Variants in NT5DC4 observed in about 807,000 individuals in gnomAD.
The protein encoded by NT5DC4 is 5'-nucleotidase domain-containing protein 4.
A neutral mutation model predicts 26.6 loss-of-function variants in NT5DC4; 44 were observed. The ratio of observed to expected loss-of-function variants is 1.65; its 90% CI spans 1.30 to 2.13. The LOEUF is 2.13. Among genes scored for constraint, NT5DC4 ranks in the 30% most tolerant of loss-of-function variants. The pLI, the probability that NT5DC4 is intolerant of heterozygous loss-of-function variation, is 0.00. For synonymous variants in NT5DC4, 157 were observed against 86.7 expected (o/e 1.81, Z -4.51); for missense variants, 399 against 228.1 (o/e 1.75, Z -4.83).
At chr2:112,736,177 G>A (rs535927224) in intron 16 of NT5DC4, among the ~76,000 whole-genome samples, 52 of 152,228 alleles carry the variant, frequency 3.4e-4, no homozygotes, top group Admixed American at 5.2e-4. Context: ...TTAGGACAGT[G>A]TCTGAGGTTC....
At chr2:112,723,890 G>A (rs1017285028) in intron 9 of NT5DC4, 88 bp downstream of exon 9, 10 of 700,310 alleles carry the variant, frequency 1.4e-5, no homozygotes, top group African/African-American at 8.8e-5. Context: ...GGAGGGGTGG[G>A]GCGGGGAGCC....
chr2:112,722,855 G>C, intron 6 of NT5DC4, 84 bp downstream of exon 6: 1 of 450,220 alleles, frequency 2.2e-6, no homozygotes, highest in Non-Finnish European at 4.4e-6. Context: ...CCCCCCAAGG[G>C]CTCCCCAAGA....
upstream of NT5DC4, among the ~76,000 whole-genome samples, chr2:112,719,902 C>T (rs192167065): frequency 0.34 from 29,109 of 85,680 alleles, 6,376 homozygotes; most frequent in East Asian, 0.67. Context: ...TTCTTTCTTT[C>T]TTTTTCTTTC....
intron 16 of NT5DC4, among the ~76,000 whole-genome samples, chr2:112,730,027 T>C (rs2104774777): frequency 6.6e-6 from 1 of 152,114 alleles, no homozygotes; most frequent in Non-Finnish European, 1.5e-5. Context: ...AAATGGGATA[T>C]TGGAGCCAGG....
At chr2:112,731,795 C>T (rs188863035) in intron 16 of NT5DC4, 1 of 152,154 alleles carries the variant, frequency 6.6e-6, no homozygotes, top group Admixed American at 6.5e-5. Flanking sequence ...ACAAAGTAAA[C>T]CCTTGAAGGA....
upstream of NT5DC4, among the ~76,000 whole-genome samples, chr2:112,720,131 C>T (rs939220658): frequency 7.3e-5 from 11 of 150,810 alleles, no homozygotes; most frequent in African/African-American, 2.7e-4. Flanking sequence ...ACCTCCAACC[C>T]CTGGGTTCAA....
At chr2:112,723,248 CA>C (rs1454263305) in intron 7 of NT5DC4, 74 bp downstream of exon 7, 2 of 716,046 alleles carry the variant, frequency 2.8e-6, no homozygotes, top group Admixed American at 4.0e-5. Flanking sequence ...TTCAGGCCTC[CA>C]GTCCCCATAG....
intron 16 of NT5DC4, chr2:112,738,614 A>G: frequency 5.2e-6 from 3 of 574,374 alleles, no homozygotes; most frequent in Non-Finnish European, 6.2e-6. Flanking sequence ...TGTATACTGT[A>G]AAACTGGCAA....
At chr2:112,742,458 A>C (rs1048539125), downstream of NT5DC4, 2 of 717,888 alleles carry the variant, frequency 2.8e-6, no homozygotes, top group South Asian at 3.0e-5. Flanking sequence ...TAGGATTCCA[A>C]GGAAGTGGGA....
In NT5DC4 at chr2:112,725,585, G is replaced by A. The variant is rs1015296223; in HGVS notation, c.1153+33G>A. On this transcript the variant is annotated intron_variant, in intron 13 of 16. Coordinates refer to ENST00000688554, the MANE Select transcript of NT5DC4 (RefSeq NM_001393655.1). ...GTTGGGGTCTGGAACAGTCAGAGGG[G>A]CACTGGCCTCCCATGCAGAGGCCCC... The A allele has an allele frequency of 2.1e-5, 14 of 663,436 alleles. No individual in the cohort carries two copies. In the Middle Eastern group the frequency reaches 9.9e-4, roughly 47 times the overall value. The allele number at this position is 663,436 out of a possible 1,614,324, so 41.1% of individuals were successfully genotyped here.
intron 16 of NT5DC4, among the ~76,000 whole-genome samples, chr2:112,734,362 G>A (rs1483370266): frequency 6.6e-6 from 1 of 152,156 alleles, no homozygotes; most frequent in Non-Finnish European, 1.5e-5. Flanking sequence ...ATTGGACATA[G>A]CTTGCTCTCT....
At chr2:112,726,214 C>T (rs1009320244) in intron 13 of NT5DC4, 24 bp from the exon 14 acceptor site, 37 of 717,148 alleles carry the variant, frequency 5.2e-5, no homozygotes, top group Non-Finnish European at 9.1e-5. Flanking sequence ...CACTCACCCC[C>T]ACTGACCCCT....
chr2:112,730,477 T>C (rs1039982828), intron 16 of NT5DC4, among the ~76,000 whole-genome samples: 3 of 152,186 alleles, frequency 2.0e-5, no homozygotes, highest in African/African-American at 7.2e-5. Context: ...CTCTTCCACA[T>C]TGAGGCTTCC....
chr2:112,724,348 C>A (rs1328903074), intron 10 of NT5DC4: 12 of 601,418 alleles, frequency 2.0e-5, no homozygotes, highest in Admixed American at 1.9e-4. Flanking sequence ...TGATAGGAGG[C>A]AGTCAGGTAT....
At chr2:112,724,984 C>T in intron 11 of NT5DC4, 78 bp downstream of exon 11, 2 of 690,094 alleles carry the variant, frequency 2.9e-6, no homozygotes, top group Non-Finnish European at 5.4e-6. Flanking sequence ...GCCTTTATAG[C>T]TGGCAGCTCT....
chr2:112,727,697 G>A (rs1050143045), intron 15 of NT5DC4, among the ~76,000 whole-genome samples: 9 of 152,296 alleles, frequency 5.9e-5, no homozygotes, highest in Admixed American at 2.0e-4. Context: ...AATGTCCCCC[G>A]GTGAGAGGCC....
Position 112,739,005 on chromosome 2 carries a change from G to T in NT5DC4, c.*69G>T, listed in dbSNP as rs541861468. The T allele has an allele frequency of 1.2e-6, 2 of 1,614,178 alleles. No individual in the cohort carries two copies. Among genetic ancestry groups the T allele is most frequent in the Non-Finnish European group, 1.7e-6 (2 of 1,180,020 alleles). On this transcript the variant is annotated 3_prime_UTR_variant, in exon 17 of 17. Coordinates refer to ENST00000688554, the MANE Select transcript of NT5DC4 (RefSeq NM_001393655.1). ...TCAATCCTCGACGAACGCCGTACAGGAGTGATAAATTTCATGTCTTGCACT... is the reference window on the plus strand; with the variant it reads ...TCAATCCTCGACGAACGCCGTACAGTAGTGATAAATTTCATGTCTTGCACT...
At position 112,723,121 on chromosome 2, in the gene NT5DC4, T is replaced by C; in HGVS notation, c.568T>C (p.Phe190Leu). ...GYQHGNLFMS[F>L]RSLFQDVTDA... The stretch of plus-strand genomic sequence containing the variant: ...TCAGCATGGGAACCTCTTCATGTCC[T>C]TCCGAAGCCTCTTCCAGGATGTGAC... The change falls in exon 7 of 17, where the codon TTC (phenylalanine) becomes CTC (leucine). Residue 190 changes from phenylalanine (F) to leucine (L), a missense_variant. By Grantham distance (22) the Phe-to-Leu change is conservative. Coordinates refer to ENST00000688554, the MANE Select transcript of NT5DC4 (RefSeq NM_001393655.1). 1.4e-6 allele frequency: 1 copy of C among 717,278 alleles called. No homozygotes were observed. Among genetic ancestry groups the C allele is most frequent in the Non-Finnish European group, 2.6e-6 (1 of 385,010 alleles). The allele number at this position is 717,278 out of a possible 1,614,324, so 44.4% of individuals were successfully genotyped here.
intron 16 of NT5DC4, among the ~76,000 whole-genome samples, chr2:112,736,302 C>T (rs1241754699): frequency 6.6e-6 from 1 of 152,160 alleles, no homozygotes; most frequent in Non-Finnish European, 1.5e-5. Context: ...AAGCAGCCCT[C>T]TGAGCATTAC....
Sources: allele counts gnomAD v4.1 joint callset (sites outside exome capture counted in the v4.1 genomes callset), GRCh38; gene constraint gnomAD v4.1.1; transcripts MANE v1.5; gene names NCBI Gene and HGNC (gene_info 2026-07-23, HGNC 2026-07-21).